Variants in CSMD1 observed in about 807,000 individuals in gnomAD.
The protein encoded by CSMD1 is CUB and Sushi multiple domains 1.
Under a neutral mutation model 417.5 loss-of-function variants are expected in CSMD1, and 213 were observed. That is an observed-to-expected ratio of 0.51 (90% CI 0.46 to 0.57). The LOEUF is 0.57. Among genes scored for constraint, CSMD1 ranks in the 20% least tolerant of loss-of-function variants. CSMD1 has a pLI of 0.00. For synonymous variants in CSMD1, 2,862 were observed against 1,736.8 expected (o/e 1.65, Z -16.11); for missense variants, 6,923 against 4,529.7 (o/e 1.53, Z -15.17).
At chr8:3,715,478 A>T (rs145069852) in intron 6 of CSMD1, among the ~76,000 whole-genome samples, 1 of 152,248 alleles carries the variant, frequency 6.6e-6, no homozygotes, top group African/African-American at 2.4e-5. Flanking sequence ...GATTAACCCA[A>T]TTATAAAAAT....
intron 2 of CSMD1, among the ~76,000 whole-genome samples, chr8:4,468,818 G>A (rs543004591): frequency 6.6e-6 from 1 of 152,206 alleles, no homozygotes; most frequent in South Asian, 2.1e-4. Flanking sequence ...TTATTGTATT[G>A]AATTTAGCCC....
At chr8:4,033,749 G>C (rs531119168) in intron 3 of CSMD1, among the ~76,000 whole-genome samples, 5 of 152,090 alleles carry the variant, frequency 3.3e-5, no homozygotes, top group Non-Finnish European at 7.4e-5. Context: ...ATGGGGTATT[G>C]ATTCTGTTCT....
At chr8:4,343,952 A>T (rs889358364) in intron 3 of CSMD1, among the ~76,000 whole-genome samples, 7 of 152,154 alleles carry the variant, frequency 4.6e-5, no homozygotes, top group Non-Finnish European at 1.0e-4. Flanking sequence ...TATAATAAGT[A>T]TTTTCATATA....
intron 6 of CSMD1, among the ~76,000 whole-genome samples, chr8:3,714,789 G>A (rs988788102): frequency 4.8e-4 from 73 of 151,844 alleles, no homozygotes; most frequent in Non-Finnish European, 7.4e-5. Context: ...TTGGTTATTT[G>A]GAGCATTTTT....
chr8:4,481,568 G>C (rs541139955), intron 2 of CSMD1, among the ~76,000 whole-genome samples: 1 of 152,096 alleles, frequency 6.6e-6, no homozygotes, highest in Non-Finnish European at 1.5e-5. Context: ...GACGGACTAA[G>C]CTAATATTTT....
intron 2 of CSMD1, among the ~76,000 whole-genome samples, chr8:4,492,971 A>C (rs1342996923): frequency 6.6e-6 from 1 of 152,232 alleles, no homozygotes; most frequent in Non-Finnish European, 1.5e-5. Flanking sequence ...GAGTCTAGTT[A>C]AGTCTCAACA....
chr8:3,141,810 T>TC, intron 41 of CSMD1, among the ~76,000 whole-genome samples: 1 of 151,168 alleles, frequency 6.6e-6, no homozygotes, highest in South Asian at 2.1e-4. Context: ...CTTTTTTTTT[T>TC]TTTCTGAGAT....
intron 1 of CSMD1, among the ~76,000 whole-genome samples, chr8:4,646,655 A>C (rs1803535918): frequency 6.6e-6 from 1 of 152,190 alleles, no homozygotes; most frequent in Admixed American, 6.5e-5. Context: ...TTTCTGCGTC[A>C]ACAAGGCATA....
chr8:3,042,158 C>G lies in CSMD1; in HGVS notation c.7660+10304G>C, dbSNP rs997075668. Among the ~76,000 whole-genome samples, 6 of 152,288 alleles carry G rather than the reference C, an allele frequency of 3.9e-5. No homozygotes were observed. The East Asian group carries it at 1.2e-3, about 30-fold the overall frequency. Reference sequence around the variant, plus strand: ...AATTCTCCAGGGGTCTCTCATGCATCTGGTTAGCTGAGATACCAAACTGAC... The same window carrying G: ...AATTCTCCAGGGGTCTCTCATGCATGTGGTTAGCTGAGATACCAAACTGAC... On this transcript the variant is annotated intron_variant, in intron 50 of 69. Coordinates refer to ENST00000635120, the MANE Select transcript of CSMD1 (RefSeq NM_033225.6).
At chr8:4,170,597 T>C (rs1466383684) in intron 3 of CSMD1, among the ~76,000 whole-genome samples, 1 of 151,920 alleles carries the variant, frequency 6.6e-6, no homozygotes. Context: ...TTTCAAATTC[T>C]GTTTCTACAA....
intron 10 of CSMD1, among the ~76,000 whole-genome samples, chr8:3,525,148 G>C (rs1335485165): frequency 1.3e-5 from 2 of 152,112 alleles, no homozygotes; most frequent in African/African-American, 4.8e-5. Flanking sequence ...AGTGAGTCTT[G>C]AGTCTCAGTA....
chr8:3,436,849 G>A (rs766987372), intron 12 of CSMD1, among the ~76,000 whole-genome samples: 4 of 152,080 alleles, frequency 2.6e-5, no homozygotes, highest in Non-Finnish European at 5.9e-5. Context: ...AATATGTTAT[G>A]ATTCGGGATT....
At chr8:3,018,921 TTTG>T (rs1459565841) in intron 51 of CSMD1, among the ~76,000 whole-genome samples, 14 of 151,944 alleles carry the variant, frequency 9.2e-5, no homozygotes, top group Non-Finnish European at 1.5e-5. Flanking sequence ...CCCATTAACT[TTTG>T]TTGTTGTTGT....
At chr8:4,194,101 G>T (rs1178823586) in intron 3 of CSMD1, among the ~76,000 whole-genome samples, 2 of 151,962 alleles carry the variant, frequency 1.3e-5, no homozygotes, top group African/African-American at 2.4e-5. Context: ...AAATGTTATG[G>T]TAGGCATACG....
Position 4,383,876 on chromosome 8 carries a change from T to C in CSMD1, c.415+36077A>G, listed in dbSNP as rs187291651. On this transcript the variant is annotated intron_variant, in intron 3 of 69. Coordinates refer to ENST00000635120, the MANE Select transcript of CSMD1 (RefSeq NM_033225.6). ...ATAAACAGAATTTTAAAGAAGAAAA[T>C]ATCTTAAAATATATTTTAGATACTC... Among the ~76,000 whole-genome samples the C allele has an allele frequency of 1.6e-3, 245 of 152,136 alleles. 1 individual carries two copies. Among genetic ancestry groups the C allele is most frequent in the Non-Finnish European group, 2.5e-3 (168 of 68,012 alleles).
intron 3 of CSMD1, among the ~76,000 whole-genome samples, chr8:4,223,159 C>G (rs1291557694): frequency 6.6e-6 from 1 of 152,034 alleles, no homozygotes; most frequent in African/African-American, 2.4e-5. Context: ...GCAACGCCAC[C>G]CAGAGGAGCC....
intron 4 of CSMD1, among the ~76,000 whole-genome samples, chr8:4,011,865 C>T (rs1021782331): frequency 2.0e-5 from 3 of 152,072 alleles, no homozygotes; most frequent in African/African-American, 7.2e-5. Flanking sequence ...GTTCCAGGAT[C>T]CACAATGCTC....
intron 1 of CSMD1, among the ~76,000 whole-genome samples, chr8:4,770,791 A>G (rs1266531590): frequency 6.6e-6 from 1 of 152,168 alleles, no homozygotes; most frequent in Non-Finnish European, 1.5e-5. Context: ...CCTTTATACC[A>G]TACATAAAAA....
chr8:4,682,993 T>C (rs1010127877), intron 1 of CSMD1, among the ~76,000 whole-genome samples: 2 of 129,486 alleles, frequency 1.5e-5, no homozygotes, highest in Non-Finnish European at 3.3e-5. Flanking sequence ...TATATATATA[T>C]AGTCACACAT....
Sources: allele counts gnomAD v4.1 joint callset (sites outside exome capture counted in the v4.1 genomes callset), GRCh38; gene constraint gnomAD v4.1.1; transcripts MANE v1.5; gene names NCBI Gene and HGNC (gene_info 2026-07-23, HGNC 2026-07-21).